The following EPS8L2 variants were observed in gnomAD, a reference collection of about 807,000 sequenced individuals.
EPS8L2 encodes epidermal growth factor receptor kinase substrate 8-like protein 2.
Under a neutral mutation model 99.4 loss-of-function variants are expected in EPS8L2, and 81 were observed. The ratio of observed to expected loss-of-function variants is 0.82; its 90% confidence interval spans 0.68 to 0.98. The LOEUF (loss-of-function observed/expected upper bound fraction) is 0.98. Ranked by LOEUF, EPS8L2 falls within the 50% of genes least tolerant of loss-of-function variation. The pLI is 0.00. For missense variants in EPS8L2, 1,155 were observed against 968.8 expected, an observed-to-expected ratio of 1.19 and a Z score of -2.55; for synonymous variants, 509 against 407.3, an observed-to-expected ratio of 1.25 and a Z score of -3.01.
intron 4 of EPS8L2, among the ~76,000 whole-genome samples, chr11:716,950 C>T (rs544736969): frequency 3.0e-4 from 45 of 152,190 alleles, no homozygotes; most frequent in Admixed American, 2.5e-3. Flanking sequence ...CCTCATAGTC[C>T]CTTGCGTGTT....
intron 4 of EPS8L2, among the ~76,000 whole-genome samples, chr11:716,241 C>G (rs535026927): frequency 6.6e-6 from 1 of 151,780 alleles, no homozygotes; most frequent in Non-Finnish European, 1.5e-5. Flanking sequence ...CTCCGCCTCC[C>G]AGGTTCATGC....
rs779200312 is a variant in EPS8L2 at position 709,433 on chromosome 11, G to C, written c.26G>C (p.Cys9Ser). 6.3e-7 allele frequency: 1 copy of C among 1,596,018 alleles called. No homozygotes were observed. The highest frequency in any genetic ancestry group is 2.3e-5 in the East Asian group (1 of 43,664). MSQSGAVS[C>S]CPGATNGSLG... ...ATGAGCCAGTCCGGGGCCGTGAGCT[G>C]CTGCCCGGGTGCCACCAAGTGAGCC... The change falls in exon 2 of 21, where the codon TGC becomes TCC. Residue 9 changes from cysteine to serine, a missense_variant. Physicochemically the swap from Cys to Ser is moderately radical, Grantham distance 112. Transcript: ENST00000318562.
chr11:723,511 G>A (rs1459662232), intron 15 of EPS8L2, among the ~76,000 whole-genome samples, 158 bp downstream of exon 15: 1 of 152,222 alleles, frequency 6.6e-6, no homozygotes, highest in African/African-American at 2.4e-5. Flanking sequence ...CATTTCAACT[G>A]CATGATATAT....
rs1267716381 is a variant in EPS8L2, at chr11:726,028, G to A, written c.1681-70G>A. ...GGCTGTAGGGGGATTGGCGGGGTGGGGAGGTCCCGGGCAGGTGCTGGGAGG... is the reference window on the plus strand; with the variant it reads ...GGCTGTAGGGGGATTGGCGGGGTGGAGAGGTCCCGGGCAGGTGCTGGGAGG... On this transcript the variant is annotated intron_variant, in intron 17 of 20. Transcript: ENST00000318562. 1.8e-5 allele frequency: 23 copies of A among 1,311,198 alleles called. 1 individual carries two copies. The South Asian group carries it at 2.0e-4, about 11-fold the overall frequency. 81.2% of individuals were successfully genotyped at this position (1,311,198 alleles called of 1,614,324 possible).
In EPS8L2 at chr11:720,146, AAGG is replaced by A; in HGVS notation, c.253_255del (p.Glu85del). On this transcript the variant is annotated inframe_deletion, in exon 5 of 21. Coordinates refer to ENST00000318562, the MANE Select transcript of EPS8L2 (RefSeq NM_022772.4). Reference sequence around the variant, plus strand: ...CCGGAAGCTGGTGCAGCTGAGCTCCAAGGAGAAGATCTGGACCCAGGAGATGCT... The same window carrying A: ...CCGGAAGCTGGTGCAGCTGAGCTCCAAGAAGATCTGGACCCAGGAGATGCT... The A allele has an allele frequency of 2.5e-6, 4 of 1,613,448 alleles. No homozygotes were observed. The highest frequency in any genetic ancestry group is 2.2e-5 in the South Asian group (2 of 91,090).
chr11:711,887 GCAGGAGA>G (rs1220040084), intron 4 of EPS8L2, among the ~76,000 whole-genome samples: 4 of 152,070 alleles, frequency 2.6e-5, no homozygotes, highest in Non-Finnish European at 4.4e-5. Flanking sequence ...GGAGGCTGAG[GCAGGAGA>G]ATCACTGGAA....
rs967707855 is a variant in EPS8L2, at chr11:721,364, G to C, written c.768+12G>C. On this transcript the variant is annotated intron_variant, in intron 9 of 20. Coordinates refer to ENST00000318562, the MANE Select transcript of EPS8L2 (RefSeq NM_022772.4). ...TAGAGAAGGAGACGGTGGGTGCCCG[G>C]GCCCGGCAGGTGGCCCCTCTCTTCC... The C allele has an allele frequency of 6.5e-7, 1 of 1,538,582 alleles. No individual in the cohort carries two copies. The highest frequency in any genetic ancestry group is 8.7e-7 in the Non-Finnish European group (1 of 1,145,532).
Position 721,301 on chromosome 11 carries a change from G to C in EPS8L2, c.717G>C (p.Glu239Asp), listed in dbSNP as rs1175653866. Residue 239 changes from glutamate (E) to aspartate (D), a missense_variant, in exon 9 of 21, where the codon GAG becomes GAC. Coordinates refer to ENST00000318562, the MANE Select transcript of EPS8L2 (RefSeq NM_022772.4). ...CCCCATCAGGTTTCCGCCGTCGGGA[G>C]TCGCAGGAGGAGCCGCGGGCCGTGC... is the stretch of plus-strand genomic sequence containing the variant. ...PLSEPGFRRR[E>D]SQEEPRAVLA... The C allele has an allele frequency of 6.5e-7, 1 of 1,540,410 alleles. No homozygotes were observed. Among genetic ancestry groups the C allele is most frequent in the Admixed American group, 2.0e-5 (1 of 50,958 alleles).
intron 3 of EPS8L2, 53 bp from the exon 4 acceptor site, chr11:710,369 G>A (rs1450188236): frequency 1.2e-5 from 19 of 1,569,496 alleles, no homozygotes; most frequent in Non-Finnish European, 1.7e-5. Context: ...CCAACTGGAC[G>A]GGAGGCTGTG....
chr11:724,473 GC>G lies in EPS8L2; in HGVS notation c.1455-250del, dbSNP rs1446937852. ...AGGTGGCCTGGGATGGGCCAGCCTT[GC>G]TGTACCACAGGCCCCTGCGCCACGC... On this transcript the variant is annotated intron_variant, in intron 15 of 20. Coordinates refer to ENST00000318562, the MANE Select transcript of EPS8L2 (RefSeq NM_022772.4). The surrounding 1 kb of genome is among the most constrained non-coding windows in gnomAD (Gnocchi z 5.5). 3.2e-5 allele frequency: 17 copies of G among 528,990 alleles called. No individual in the cohort carries two copies. The highest frequency in any genetic ancestry group is 3.4e-6 in the Non-Finnish European group (1 of 292,224). 32.8% of individuals were successfully genotyped at this position (528,990 alleles called of 1,614,324 possible).
At chr11:726,248 CCGGGGG>C (rs1025758158) in intron 18 of EPS8L2, 50 bp from the exon 19 acceptor site, 19 of 1,568,792 alleles carry the variant, frequency 1.2e-5, no homozygotes, top group Non-Finnish European at 1.6e-5. Flanking sequence ...GGTCCCTGGG[CCGGGGG>C]CGGGGGCAGG....
In EPS8L2 at chr11:725,761, C is replaced by T. The variant is rs2133539873; in HGVS notation, c.1594C>T (p.Arg532Cys). 8.2e-6 allele frequency: 11 copies of T among 1,346,704 alleles called. No individual in the cohort carries two copies. The highest frequency in any genetic ancestry group is 2.9e-5 in the East Asian group (1 of 34,454). The allele number at this position is 1,346,704 out of a possible 1,614,324, so 83.4% of individuals were successfully genotyped here. A position where few individuals can be genotyped will look rare whatever the true frequency, so the allele number is the denominator to read the frequency against. ...LEDGRQWWKL[R>C]SRSGQAGYVP... is the part of the protein sequence containing the mutation. ...GGACGGCCGGCAGTGGTGGAAGCTG[C>T]GCAGCCGCAGCGGCCAGGCGGGGTA... Residue 532 changes from arginine (R) to cysteine (C), a missense_variant, in exon 17 of 21, where the codon CGC becomes TGC. Coordinates refer to ENST00000318562, the MANE Select transcript of EPS8L2 (RefSeq NM_022772.4).
At chr11:706,383 G>T in intron 1 of EPS8L2, 95 bp downstream of exon 1, 1 of 152,764 alleles carries the variant, frequency 6.5e-6, no homozygotes, top group South Asian at 2.1e-4. Flanking sequence ...ACACCGGGAC[G>T]AACGCGGCGT....
In EPS8L2 at chr11:722,482, C is replaced by A; in HGVS notation, c.1141C>A (p.Arg381Ser). ...CTCCCGAGATGCCGTGGACTTCCTG[C>A]GCGGCCACCTGGTCCCTAAGGAGAT... ...LLSRDAVDFL[R>S]GHLVPKEMSL... The change falls in exon 13 of 21, where the codon CGC becomes AGC. Residue 381 changes from arginine (R) to serine (S), a missense_variant. Physicochemically the swap from Arg to Ser is moderately radical, Grantham distance 110. Coordinates refer to ENST00000318562, the MANE Select transcript of EPS8L2 (RefSeq NM_022772.4). 1 of 1,613,480 alleles carries A rather than the reference C, an allele frequency of 6.2e-7. No individual in the cohort carries two copies. Among genetic ancestry groups the A allele is most frequent in the Non-Finnish European group, 8.5e-7 (1 of 1,179,944 alleles).
rs1381416725 is a variant in EPS8L2, at chr11:721,268, G to T, written c.701-17G>T. 1.9e-6 allele frequency: 3 copies of T among 1,539,330 alleles called. No homozygotes were observed. The highest frequency in any genetic ancestry group is 2.6e-6 in the Non-Finnish European group (3 of 1,146,156). ...GTTGTGGGGGGCTCGGTGAGCAGCC[G>T]CCGTGTCCCCCATCAGGTTTCCGCC... On this transcript the variant is annotated splice_polypyrimidine_tract_variant and intron_variant, in intron 8 of 20. Transcript: ENST00000318562.
chr11:710,323 C>T, intron 3 of EPS8L2, 99 bp from the exon 4 acceptor site: 4 of 1,198,878 alleles, frequency 3.3e-6, no homozygotes, highest in Admixed American at 3.4e-5. Flanking sequence ...AGCAGCCTCC[C>T]TCCGCTTGAC....
chr11:720,811 C>G lies in EPS8L2; in HGVS notation c.478-19C>G, dbSNP rs1862137903. The G allele has an allele frequency of 6.5e-7, 1 of 1,543,548 alleles. No homozygotes were observed. The highest frequency in any genetic ancestry group is 2.0e-5 in the Admixed American group (1 of 50,844). The stretch of plus-strand genomic sequence containing the variant: ...CGCCGCGCCCCGCCCTCCTGGCCGC[C>G]TGACGCCCGCTTTCCCAGGCAGAGC... On this transcript the variant is annotated intron_variant, in intron 6 of 20. Transcript: ENST00000318562.
chr11:708,421 G>A (rs993614708), intron 1 of EPS8L2: 2 of 152,288 alleles, frequency 1.3e-5, no homozygotes, highest in Non-Finnish European at 2.9e-5. Context: ...TCAGCACTAG[G>A]AGCCCAGAGA....
At position 716,830 on chromosome 11, in the gene EPS8L2, T is replaced by A. The variant is rs556998702; in HGVS notation, c.166-3232T>A. Reference sequence around the variant, plus strand: ...AAAAACATATTCTGTACTGTTGCAGTCACTTGAGATTTACTGAGACTTGTT... The same window carrying A: ...AAAAACATATTCTGTACTGTTGCAGACACTTGAGATTTACTGAGACTTGTT... On this transcript the variant is annotated intron_variant, in intron 4 of 20. Transcript: ENST00000318562. Among the ~76,000 whole-genome samples the A allele has an allele frequency of 2.6e-5, 4 of 152,330 alleles. No individual in the cohort carries two copies. In the East Asian group the frequency reaches 5.8e-4, roughly 22 times the overall value.
Sources: allele counts gnomAD v4.1 joint callset (sites outside exome capture counted in the v4.1 genomes callset), GRCh38; gene constraint gnomAD v4.1.1; non-coding constraint Gnocchi (gnomAD v3.1); transcripts MANE v1.5; gene names NCBI Gene and HGNC (gene_info 2026-07-23, HGNC 2026-07-21).